The following OPRM1 variants were observed in gnomAD, a reference collection of about 807,000 sequenced individuals.
OPRM1 encodes opioid receptor mu 1, also known as mu-type opioid receptor.
In OPRM1, 27 loss-of-function variants were observed where a neutral mutation model predicts 31.8. The observed-to-expected ratio is 0.85, with a 90% CI of 0.63 to 1.17. The LOEUF (loss-of-function observed/expected upper bound fraction) is 1.17, where lower values mean the gene tolerates loss of function less well. Among genes scored for constraint, OPRM1 ranks in the 50% most tolerant of loss-of-function variants. The pLI is 0.00. For missense variants in OPRM1, 536 were observed against 511.1 expected, an observed-to-expected ratio of 1.05 and a Z score of -0.47; for synonymous variants, 196 against 189.9, an observed-to-expected ratio of 1.03 and a Z score of -0.26.
downstream of OPRM1, among the ~76,000 whole-genome samples, chr6:154,132,448 C>A (rs144618232): frequency 4.6e-5 from 7 of 152,168 alleles, no homozygotes; most frequent in East Asian, 9.6e-4. Context: ...AGGTAAATAG[C>A]CTAAGAATTA....
rs187081259 is a variant in OPRM1 at position 154,107,850 on chromosome 6, C to T, written c.1165-10833C>T. ...TGTTTTATCCTGAAGTATCCCTCAACACAGAAAAACGACCTCATAACACAA... is the reference window on the plus strand; with the variant it reads ...TGTTTTATCCTGAAGTATCCCTCAATACAGAAAAACGACCTCATAACACAA... On this transcript the variant is annotated intron_variant, in intron 3 of 3. Transcript: ENST00000330432. 8.5e-6 allele frequency: 6 copies of T among 702,496 alleles called. No homozygotes were observed. The Admixed American group carries it at 1.3e-4, about 15-fold the overall frequency. 43.5% of individuals were successfully genotyped at this position (702,496 alleles called of 1,614,324 possible).
chr6:154,222,937 A>C (rs1282555707), intron 3 of OPRM1: 3 of 559,798 alleles, frequency 5.4e-6, no homozygotes, highest in African/African-American at 1.9e-5. Context: ...ACAACAGTCC[A>C]TGCCAAGACT....
intron 1 of OPRM1, among the ~76,000 whole-genome samples, chr6:154,075,723 G>A (rs1020465930): frequency 6.6e-6 from 1 of 152,032 alleles, no homozygotes. Flanking sequence ...TAAGCATTTC[G>A]AGTGCTCCTA....
At chr6:154,201,315 A>G (rs1423199453) in intron 3 of OPRM1, among the ~76,000 whole-genome samples, 1 of 152,162 alleles carries the variant, frequency 6.6e-6, no homozygotes, top group Non-Finnish European at 1.5e-5. Flanking sequence ...GTTGAAATAC[A>G]TGCCTTCTTT....
intron 3 of OPRM1, among the ~76,000 whole-genome samples, chr6:154,235,461 G>A (rs1253320991): frequency 6.8e-6 from 1 of 147,654 alleles, no homozygotes; most frequent in Non-Finnish European, 1.5e-5. Context: ...AACCCGGGAG[G>A]CAGAGGTCAC....
At chr6:154,038,386 A>G (rs1402015376), upstream of OPRM1, among the ~76,000 whole-genome samples, 1 of 152,164 alleles carries the variant, frequency 6.6e-6, no homozygotes, top group Non-Finnish European at 1.5e-5. Flanking sequence ...AAATAGAAGC[A>G]CTCATGGACT....
chr6:154,048,778 A>T (rs1781644468), intron 1 of OPRM1, among the ~76,000 whole-genome samples: 1 of 152,270 alleles, frequency 6.6e-6, no homozygotes, highest in Non-Finnish European at 1.5e-5. Flanking sequence ...AAATACAAAC[A>T]CATACATGTC....
chr6:154,231,163 CAG>C (rs1396710051), intron 3 of OPRM1, among the ~76,000 whole-genome samples: 1 of 152,232 alleles, frequency 6.6e-6, no homozygotes, highest in Non-Finnish European at 1.5e-5. Flanking sequence ...ACACTACACA[CAG>C]ACTCATGACC....
intron 3 of OPRM1, among the ~76,000 whole-genome samples, chr6:154,171,667 A>C (rs1799881413): frequency 6.6e-6 from 1 of 152,200 alleles, no homozygotes; most frequent in Non-Finnish European, 1.5e-5. Flanking sequence ...CATTTATGAG[A>C]TTGTCATGAG....
intron 1 of OPRM1, among the ~76,000 whole-genome samples, chr6:154,079,869 C>A (rs1788709549): frequency 6.6e-6 from 1 of 152,092 alleles, no homozygotes; most frequent in Non-Finnish European, 1.5e-5. Context: ...AGCAACTGCA[C>A]CTGGTCAGAA....
chr6:154,217,428 A>G (rs1778494434), intron 3 of OPRM1: 1 of 149,326 alleles, frequency 6.7e-6, no homozygotes, highest in Non-Finnish European at 1.5e-5. Flanking sequence ...AGGTGGCTGC[A>G]TGGAGAAAAA....
At chr6:154,222,084 TG>T (rs1562550898) in intron 3 of OPRM1, among the ~76,000 whole-genome samples, 1 of 152,220 alleles carries the variant, frequency 6.6e-6, no homozygotes, top group East Asian at 1.9e-4. Context: ...TAATCAGGTA[TG>T]GAACGTCCAC....
intron 1 of OPRM1, among the ~76,000 whole-genome samples, chr6:154,065,689 T>G (rs1785255681): frequency 6.6e-6 from 1 of 152,196 alleles, no homozygotes; most frequent in African/African-American, 2.4e-5. Context: ...ATTTTCTACT[T>G]ATAAGATTAT....
At chr6:154,114,127 A>G (rs1373832729) in intron 3 of OPRM1, among the ~76,000 whole-genome samples, 3 of 152,212 alleles carry the variant, frequency 2.0e-5, no homozygotes, top group Admixed American at 1.3e-4. Flanking sequence ...CAACTTGTAC[A>G]TAGGACTCAA....
In OPRM1 at chr6:154,130,969, C is replaced by G. The variant is rs1391720321; in HGVS notation, c.*12248C>G. ...TATTATGTTATATGAAAAAAAGAAA[C>G]CTTGTAAGTGCAGATTTATTTTAAA... On this transcript the variant is annotated 3_prime_UTR_variant, in exon 4 of 4. Coordinates refer to ENST00000330432, the MANE Select transcript of OPRM1 (RefSeq NM_000914.5). Among the ~76,000 whole-genome samples, 2 of 151,742 alleles carry G rather than the reference C, an allele frequency of 1.3e-5. No individual in the cohort carries two copies. The highest frequency in any genetic ancestry group is 4.8e-5 in the African/African-American group (2 of 41,306).
intron 3 of OPRM1, among the ~76,000 whole-genome samples, chr6:154,100,295 A>G (rs1395376745): frequency 2.0e-5 from 3 of 149,706 alleles, no homozygotes; most frequent in Admixed American, 6.7e-5. Context: ...ATCATAATAT[A>G]TATCAAAAAG....
chr6:154,095,575 A>G (rs769480521), intron 3 of OPRM1, among the ~76,000 whole-genome samples: 11 of 152,162 alleles, frequency 7.2e-5, no homozygotes, highest in Non-Finnish European at 1.2e-4. Flanking sequence ...AATCAGTTAC[A>G]TTCATGGTTG....
intron 3 of OPRM1, among the ~76,000 whole-genome samples, chr6:154,160,216 C>T (rs141171985): frequency 1.8e-4 from 27 of 152,288 alleles, no homozygotes; most frequent in African/African-American, 4.1e-4. Context: ...TGTTTGCATA[C>T]GCTAGCCGCA....
intron 3 of OPRM1, among the ~76,000 whole-genome samples, chr6:154,139,536 C>T (rs972584233): frequency 4.6e-5 from 7 of 152,108 alleles, no homozygotes; most frequent in African/African-American, 1.7e-4. Flanking sequence ...ATGGAGCAAT[C>T]AACAAAAACA....
Sources: allele counts gnomAD v4.1 joint callset (sites outside exome capture counted in the v4.1 genomes callset), GRCh38; gene constraint gnomAD v4.1.1; transcripts MANE v1.5; gene names NCBI Gene and HGNC (gene_info 2026-07-23, HGNC 2026-07-21).